SLC10A1: variants seen among roughly 807,000 people sequenced by gnomAD.
SLC10A1 encodes the protein hepatic sodium/bile acid cotransporter.
Under a neutral mutation model 20.5 loss-of-function variants are expected in SLC10A1, and 36 were observed. The ratio of observed to expected loss-of-function variants is 1.75; its 90% CI spans 1.34 to 2.32. SLC10A1 has a LOEUF of 2.32. Among genes scored for constraint, SLC10A1 ranks in the 30% most tolerant of loss-of-function variants. The probability of loss-of-function intolerance (pLI) is 0.00; values close to 1 mark genes in which losing one functional copy is unlikely to be tolerated. For missense variants in SLC10A1, 545 were observed against 439.1 expected, an observed-to-expected ratio of 1.24 and a Z score of -2.16; for synonymous variants, 188 against 163.6, an observed-to-expected ratio of 1.15 and a Z score of -1.14.
intron 4 of SLC10A1, among the ~76,000 whole-genome samples, chr14:69,777,584 T>TTTTG (rs1883475783): frequency 2.3e-5 from 2 of 88,694 alleles, no homozygotes; most frequent in Non-Finnish European, 4.2e-5. Flanking sequence ...TCCTGTTTTT[T>TTTTG]TTTTTTTTTT....
Position 69,797,081 on chromosome 14 carries a change from C to T in SLC10A1, c.75G>A (p.Leu25=), listed in dbSNP as rs944888117. The T allele has an allele frequency of 1.2e-6, 2 of 1,613,992 alleles. No homozygotes were observed. Among genetic ancestry groups the T allele is most frequent in the Admixed American group, 3.3e-5 (2 of 59,992 alleles). ...TGAACACCAGGATGACGCTCAGTGC[C>T]AGGTCTGTGGGGCGCTTGCCAAAGT... ...PPNFGKRPTD[L]ALSVILVFML... Residue 25 remains leucine (L), a synonymous_variant, in exon 1 of 5, where the codon CTG becomes CTA. Transcript: ENST00000216540.
intron 1 of SLC10A1, among the ~76,000 whole-genome samples, chr14:69,791,761 T>G (rs1367153493): frequency 6.6e-6 from 1 of 152,174 alleles, no homozygotes; most frequent in Non-Finnish European, 1.5e-5. Flanking sequence ...AGAGATGTCA[T>G]TACAAATACC....
chr14:69,777,607 A>ATTTTTT (rs1566633997), intron 4 of SLC10A1, among the ~76,000 whole-genome samples: 8 of 15,104 alleles, frequency 5.3e-4, no homozygotes, highest in Non-Finnish European at 9.3e-4. Flanking sequence ...TTTTTTTTTA[A>ATTTTTT]AATTGGTGTT....
intron 2 of SLC10A1, among the ~76,000 whole-genome samples, chr14:69,781,873 T>TG (rs1197968658): frequency 2.6e-5 from 4 of 152,252 alleles, no homozygotes; most frequent in Non-Finnish European, 1.5e-5. Flanking sequence ...CGAATGCAAC[T>TG]GGTTGAACCC....
intron 1 of SLC10A1, among the ~76,000 whole-genome samples, chr14:69,796,175 G>A (rs1882382888): frequency 6.6e-6 from 1 of 152,202 alleles, no homozygotes; most frequent in African/African-American, 2.4e-5. Flanking sequence ...TTATCAGGGT[G>A]GCTGAGATGG....
chr14:69,786,698 T>A (rs1024858317), intron 1 of SLC10A1, among the ~76,000 whole-genome samples: 1 of 152,212 alleles, frequency 6.6e-6, no homozygotes, highest in African/African-American at 2.4e-5. Context: ...GTGATTCCAT[T>A]ACTCTGGTCA....
Position 69,776,273 on chromosome 14 carries a change from G to A in SLC10A1, c.*9C>T. 6.2e-7 allele frequency: 1 copy of A among 1,606,888 alleles called. No individual in the cohort carries two copies. Among genetic ancestry groups the A allele is most frequent in the Non-Finnish European group, 8.5e-7 (1 of 1,175,898 alleles). On this transcript the variant is annotated 3_prime_UTR_variant, in exon 5 of 5. Coordinates refer to ENST00000216540, the MANE Select transcript of SLC10A1 (RefSeq NM_003049.4). Reference sequence around the variant, plus strand: ...TTTGGGACCAGAATCCAGGCCACCAGGGGAAGGGCTAGGCTGTGCAAGGGG... The same window carrying A: ...TTTGGGACCAGAATCCAGGCCACCAAGGGAAGGGCTAGGCTGTGCAAGGGG...
intron 2 of SLC10A1, 83 bp downstream of exon 2, chr14:69,786,014 A>G: frequency 1.0e-6 from 1 of 970,656 alleles, no homozygotes; most frequent in Non-Finnish European, 1.6e-6. Flanking sequence ...TATGTTTATT[A>G]TTAATATAAT....
At chr14:69,780,178 C>T (rs995528086) in intron 2 of SLC10A1, among the ~76,000 whole-genome samples, 2 of 152,316 alleles carry the variant, frequency 1.3e-5, no homozygotes, top group East Asian at 3.9e-4. Context: ...GTGATAACAA[C>T]ATCATTGGAA....
chr14:69,776,291 G>A lies in SLC10A1; in HGVS notation c.1041C>T (p.Cys347=). ...GCCACCAGGGGAAGGGCTAGGCTGT[G>A]CAAGGGGAGCAGTCCTCCCCTTTGT... ...GTYKGEDCSP[C]TA is the part of the protein sequence containing the mutation. Residue 347 remains cysteine, a synonymous_variant, in exon 5 of 5, where the codon TGC becomes TGT. Transcript: ENST00000216540. 5.6e-6 allele frequency: 9 copies of A among 1,611,660 alleles called. No individual in the cohort carries two copies. The highest frequency in any genetic ancestry group is 7.6e-6 in the Non-Finnish European group (9 of 1,178,622).
At position 69,786,375 on chromosome 14, in the gene SLC10A1, CTGCTAAGTGCCACTG is replaced by C. The variant is rs770421447; in HGVS notation, c.357-83_357-69del. ...AAATACAGACTATTTTGTTGAGTGCCTGCTAAGTGCCACTGTGCTAAGTGCTTGACATATGTGGCT... is the reference window on the plus strand; with the variant it reads ...AAATACAGACTATTTTGTTGAGTGCCTGCTAAGTGCTTGACATATGTGGCT... On this transcript the variant is annotated intron_variant, in intron 1 of 4. Coordinates refer to ENST00000216540, the MANE Select transcript of SLC10A1 (RefSeq NM_003049.4). 408 of 1,293,008 alleles carry C rather than the reference CTGCTAAGTGCCACTG, an allele frequency of 3.2e-4. 3 individuals carry two copies. The highest frequency in any genetic ancestry group is 2.1e-3 in the Middle Eastern group (9 of 4,194). 80.1% of individuals were successfully genotyped at this position (1,293,008 alleles called of 1,614,324 possible).
intron 1 of SLC10A1, among the ~76,000 whole-genome samples, chr14:69,793,691 T>C (rs906495287): frequency 6.6e-6 from 1 of 152,068 alleles, no homozygotes; most frequent in Non-Finnish European, 1.5e-5. Context: ...TCCAAGCCCA[T>C]TGTCCCCATG....
rs1883525956 is a variant in SLC10A1, at chr14:69,779,193, G to T, written c.735C>A (p.Cys245Ter). ...LLGYVLSALF[C>*]LNGRCRRTVS... ...AAAAAAATACCTACCGTCCATTGAG[G>T]CAGAAGAGAGCAGAGAGAACATAAC... Residue 245 changes from cysteine (C) to a stop codon, truncating the protein, a stop_gained, in exon 3 of 5, where the codon TGC (cysteine) becomes TGA (stop). Coordinates refer to ENST00000216540, the MANE Select transcript of SLC10A1 (RefSeq NM_003049.4). LOFTEE classifies it high-confidence loss of function. 2 of 1,607,226 alleles carry T rather than the reference G, an allele frequency of 1.2e-6. No individual in the cohort carries two copies. Among genetic ancestry groups the T allele is most frequent in the East Asian group, 4.5e-5 (2 of 44,822 alleles).
intron 4 of SLC10A1, among the ~76,000 whole-genome samples, chr14:69,778,054 C>T (rs1283682672): frequency 6.6e-6 from 1 of 152,108 alleles, no homozygotes; most frequent in African/African-American, 2.4e-5. Flanking sequence ...TATGATGTCT[C>T]CCCACTGAGA....
At chr14:69,782,433 C>T (rs1050957710) in intron 2 of SLC10A1, among the ~76,000 whole-genome samples, 2 of 152,166 alleles carry the variant, frequency 1.3e-5, no homozygotes, top group African/African-American at 2.4e-5. Context: ...GTAACTTTTC[C>T]GGGCCTCGGT....
chr14:69,786,209 T>G lies in SLC10A1; in HGVS notation c.455A>C (p.Asp152Ala), dbSNP rs760716161. 1 of 1,613,916 alleles carries G rather than the reference T, an allele frequency of 6.2e-7. No individual in the cohort carries two copies. Residue 152 changes from aspartate (D) to alanine (A), a missense_variant, in exon 2 of 5, where the codon GAC (aspartate) becomes GCC (alanine). Coordinates refer to ENST00000216540, the MANE Select transcript of SLC10A1 (RefSeq NM_003049.4). The stretch of plus-strand genomic sequence containing the variant: ...CACGATGCCTTTATAGGGCACCTTG[T>G]CCTTCAGGTCCCCATCATAGATCCC... ...SRGIYDGDLK[D>A]KVPYKGIVIS...
intron 1 of SLC10A1, among the ~76,000 whole-genome samples, chr14:69,789,961 T>C (rs547640265): frequency 1.3e-5 from 2 of 150,178 alleles, no homozygotes; most frequent in South Asian, 2.1e-4. Flanking sequence ...AATAGGCACC[T>C]CTGGCAAGGC....
At chr14:69,777,397 G>A (rs2139708743) in intron 4 of SLC10A1, among the ~76,000 whole-genome samples, 1 of 152,228 alleles carries the variant, frequency 6.6e-6, no homozygotes, top group South Asian at 2.1e-4. Context: ...TTCCAATAGG[G>A]AAAGTTGTGT....
intron 2 of SLC10A1, among the ~76,000 whole-genome samples, chr14:69,779,704 G>A (rs1883545158): frequency 6.6e-6 from 1 of 152,016 alleles, no homozygotes; most frequent in South Asian, 2.1e-4. Context: ...GGAAGCTTGG[G>A]GACAGCTGAT....
Sources: gnomAD v4.1 joint callset for allele counts (sites outside exome capture counted in the v4.1 genomes callset) on GRCh38, gnomAD v4.1.1 for gene constraint, MANE v1.5 for transcripts, NCBI Gene and HGNC (gene_info 2026-07-23, HGNC 2026-07-21) for gene names.